Variants in OSTM1 observed in about 807,000 individuals in gnomAD.
OSTM1 encodes osteopetrosis-associated transmembrane protein 1.
A neutral mutation model predicts 35.4 loss-of-function variants in OSTM1; 26 were observed. The observed-to-expected ratio is 0.73, with a 90% confidence interval of 0.54 to 1.02. The LOEUF (loss-of-function observed/expected upper bound fraction) is 1.02, where lower values mean the gene tolerates loss of function less well. Among genes scored for constraint, OSTM1 ranks in the 50% least tolerant of loss-of-function variants. The probability of loss-of-function intolerance (pLI) is 0.00; values close to 1 mark genes in which losing one functional copy is unlikely to be tolerated. For synonymous variants in OSTM1, 181 were observed against 165.0 expected (o/e 1.10, Z -0.75); for missense variants, 366 against 409.6 (o/e 0.89, Z 0.92).
At position 108,054,586 on chromosome 6, in the gene OSTM1, A is replaced by G. The variant is rs1339975836; in HGVS notation, c.519T>C (p.Asn173=). The change falls in exon 3 of 6, where the codon AAT becomes AAC. Residue 173 remains asparagine, a splice_region_variant and synonymous_variant. Coordinates refer to ENST00000193322, the MANE Select transcript of OSTM1 (RefSeq NM_014028.4). ...NTTWQEANCA[N]CLTNNSEELS... is the part of the protein sequence containing the mutation. ...ATTCTTCACTGTTGTTTGTTAAACA[A>G]TCTGTCAAAAAAATTCAAAAAGTAT... is the stretch of plus-strand genomic sequence containing the variant. The G allele has an allele frequency of 1.4e-6, 2 of 1,450,552 alleles. No individual in the cohort carries two copies. Among genetic ancestry groups the G allele is most frequent in the East Asian group, 2.3e-5 (1 of 43,888 alleles). 89.9% of individuals were successfully genotyped at this position (1,450,552 alleles called of 1,614,324 possible).
intron 1 of OSTM1, among the ~76,000 whole-genome samples, chr6:108,065,102 A>G (rs993195133): frequency 6.6e-6 from 1 of 151,940 alleles, no homozygotes; most frequent in Non-Finnish European, 1.5e-5. Context: ...CAAATGATCC[A>G]TCCACCTCGG....
intron 3 of OSTM1, 88 bp from the exon 4 acceptor site, chr6:108,051,286 G>T: frequency 1.0e-6 from 1 of 985,364 alleles, no homozygotes; most frequent in Non-Finnish European, 1.5e-6. Context: ...TCTAGAAGAC[G>T]GGAAACAATA....
At chr6:108,072,006 G>A (rs888202242) in intron 1 of OSTM1, among the ~76,000 whole-genome samples, 1 of 152,138 alleles carries the variant, frequency 6.6e-6, no homozygotes, top group Non-Finnish European at 1.5e-5. Context: ...GCACCCTAGA[G>A]TTTGAGGTGC....
intron 5 of OSTM1, among the ~76,000 whole-genome samples, chr6:108,046,458 CA>C (rs1319739766): frequency 1.3e-5 from 2 of 151,000 alleles, no homozygotes; most frequent in Admixed American, 1.3e-4. Flanking sequence ...TTTCCTGCCT[CA>C]GCCTCCCGAG....
intron 1 of OSTM1, among the ~76,000 whole-genome samples, chr6:108,070,695 G>A (rs536344249): frequency 1.1e-3 from 164 of 151,324 alleles, no homozygotes; most frequent in Admixed American, 1.1e-3. Context: ...TTTGAGACCA[G>A]CCTGGCCAAC....
rs1326615212 is a variant in OSTM1, at chr6:108,041,750, G to A, written c.*3035C>T. The A allele has an allele frequency of 6.6e-6, 1 of 152,096 alleles. No homozygotes were observed. The highest frequency in any genetic ancestry group is 6.5e-5 in the Admixed American group (1 of 15,268). 9.4% of individuals were successfully genotyped at this position (152,096 alleles called of 1,614,324 possible). ...CACTTATTTAGTCTTAATAAGGTAG[G>A]GAAATAAGTGACATACTTTTTAGAA... On this transcript the variant is annotated 3_prime_UTR_variant, in exon 6 of 6. Coordinates refer to ENST00000193322, the MANE Select transcript of OSTM1 (RefSeq NM_014028.4).
intron 2 of OSTM1, among the ~76,000 whole-genome samples, chr6:108,055,559 A>G (rs1240493960): frequency 6.6e-6 from 1 of 152,098 alleles, no homozygotes; most frequent in African/African-American, 2.4e-5. Flanking sequence ...GCTATCTCCA[A>G]TCGAGGTTCA....
At chr6:108,057,009 G>A (rs1311544904) in intron 2 of OSTM1, among the ~76,000 whole-genome samples, 1 of 152,198 alleles carries the variant, frequency 6.6e-6, no homozygotes, top group African/African-American at 2.4e-5. Context: ...CAGGTGGATT[G>A]CCTGAGTCCA....
At position 108,050,403 on chromosome 6, in the gene OSTM1, G is replaced by A. The variant is rs1389290762; in HGVS notation, c.783+628C>T. On this transcript the variant is annotated intron_variant, in intron 4 of 5. Coordinates refer to ENST00000193322, the MANE Select transcript of OSTM1 (RefSeq NM_014028.4). ...TTTTGAGACGGAGTCTCGCTCTGTC[G>A]CCCAGGCTGGAGTGCACTGGCACGA... 3.3e-5 allele frequency among the ~76,000 whole-genome samples: 4 copies of A among 122,870 alleles called. No individual in the cohort carries two copies. In the East Asian group the frequency reaches 1.1e-3, roughly 33 times the overall value. The allele number at this position is 122,870 out of a possible 152,430, so 80.6% of individuals were successfully genotyped here.
intron 2 of OSTM1, among the ~76,000 whole-genome samples, chr6:108,059,073 T>C (rs910050032): frequency 6.6e-6 from 1 of 152,180 alleles, no homozygotes; most frequent in Non-Finnish European, 1.5e-5. Context: ...CTCATTATAA[T>C]AATGCTTCAT....
rs1303966846 is a variant in OSTM1, at chr6:108,064,916, G to C, written c.403-617C>G. On this transcript the variant is annotated intron_variant, in intron 1 of 5. Coordinates refer to ENST00000193322, the MANE Select transcript of OSTM1 (RefSeq NM_014028.4). Reference sequence around the variant, plus strand: ...AGAAGAAATGGAAAAAAGGAGAAAAGAGGGAGAAAAGGAAGAATTTCTGCT... The same window carrying C: ...AGAAGAAATGGAAAAAAGGAGAAAACAGGGAGAAAAGGAAGAATTTCTGCT... Among the ~76,000 whole-genome samples, 4 of 152,216 alleles carry C rather than the reference G, an allele frequency of 2.6e-5. No individual in the cohort carries two copies. In the East Asian group the frequency reaches 7.7e-4, roughly 29 times the overall value.
chr6:108,049,508 C>T, intron 4 of OSTM1, 90 bp from the exon 5 acceptor site: 2 of 1,581,876 alleles, frequency 1.3e-6, no homozygotes, highest in Non-Finnish European at 1.7e-6. Context: ...AAACAGGAAT[C>T]TAGAATTTAG....
At chr6:108,062,318 C>T (rs1311621207) in intron 2 of OSTM1, among the ~76,000 whole-genome samples, 12 of 151,998 alleles carry the variant, frequency 7.9e-5, no homozygotes, top group African/African-American at 2.2e-4. Context: ...ATGGATGATT[C>T]GCAGCCCAAG....
intron 2 of OSTM1, among the ~76,000 whole-genome samples, chr6:108,059,343 C>T (rs1332071627): frequency 2.0e-5 from 3 of 152,122 alleles, no homozygotes; most frequent in Non-Finnish European, 4.4e-5. Flanking sequence ...GAAAAAGTTG[C>T]ACTCTTAACA....
Position 108,074,415 on chromosome 6 carries a change from A to C in OSTM1, c.237T>G (p.Asp79Glu). ...GPLSLPPDLP[D>E]LDPECRELLL... is the part of the protein sequence containing the mutation. ...GGAGCTCCCGGCACTCAGGATCCAG[A>C]TCCGGCAGGTCCGGGGGCAGCGACA... Residue 79 changes from aspartate (D) to glutamate (E), a missense_variant, in exon 1 of 6, where the codon GAT becomes GAG. Around this residue, in one of 3 missense-constraint regions of OSTM1, gnomAD observed 236 missense variants for 239.3 expected, o/e 0.99. Transcript: ENST00000193322. 1 of 1,567,772 alleles carries C rather than the reference A, an allele frequency of 6.4e-7. No homozygotes were observed. The highest frequency in any genetic ancestry group is 8.6e-7 in the Non-Finnish European group (1 of 1,156,342).
intron 1 of OSTM1, among the ~76,000 whole-genome samples, chr6:108,074,006 C>A (rs906796968): frequency 1.3e-5 from 2 of 152,076 alleles, no homozygotes; most frequent in East Asian, 3.9e-4. Flanking sequence ...GAATCAGGAC[C>A]CCCAAGAAAA....
At chr6:108,064,520 A>T (rs1772343956) in intron 1 of OSTM1, among the ~76,000 whole-genome samples, 1 of 152,228 alleles carries the variant, frequency 6.6e-6, no homozygotes, top group African/African-American at 2.4e-5. Context: ...AATCTTTGTT[A>T]TCTAAATAGT....
chr6:108,061,024 A>G (rs1298323174), intron 2 of OSTM1: 1 of 152,144 alleles, frequency 6.6e-6, no homozygotes, highest in Non-Finnish European at 1.5e-5. Flanking sequence ...ATATTTTTCT[A>G]TGTTAATGGA....
In OSTM1 at chr6:108,043,794, T is replaced by C. The variant is rs937698436; in HGVS notation, c.*991A>G. The C allele has an allele frequency of 3.9e-5, 6 of 152,192 alleles. No individual in the cohort carries two copies. The highest frequency in any genetic ancestry group is 8.8e-5 in the Non-Finnish European group (6 of 68,036). The allele number at this position is 152,192 out of a possible 1,614,324, so 9.4% of individuals were successfully genotyped here. A position where few individuals can be genotyped will look rare whatever the true frequency, so the allele number is the denominator to read the frequency against. On this transcript the variant is annotated 3_prime_UTR_variant, in exon 6 of 6. Coordinates refer to ENST00000193322, the MANE Select transcript of OSTM1 (RefSeq NM_014028.4). ...TGCATGAGACTATCGTTCCGATTCA[T>C]CCCCTCAATACACACCACTGTCCAA...
Sources: allele counts gnomAD v4.1 joint callset (sites outside exome capture counted in the v4.1 genomes callset), GRCh38; gene constraint gnomAD v4.1.1; regional missense constraint gnomAD v4.1.1; transcripts MANE v1.5; gene names NCBI Gene and HGNC (gene_info 2026-07-23, HGNC 2026-07-21).